Variants in MAD1L1 observed in about 807,000 individuals in gnomAD.
MAD1L1 encodes the protein mitotic spindle assembly checkpoint protein MAD1.
In MAD1L1, 95 loss-of-function variants were observed where a neutral mutation model predicts 96.9. The observed-to-expected ratio is 0.98, with a 90% CI of 0.83 to 1.16. MAD1L1 has a LOEUF of 1.16. Ranked by LOEUF, MAD1L1 falls within the 50% of genes most tolerant of loss-of-function variation. MAD1L1 has a pLI of 0.00. For synonymous variants in MAD1L1, 473 were observed against 396.6 expected, an observed-to-expected ratio of 1.19 and a Z score of -2.29; for missense variants, 1,007 against 954.4, an observed-to-expected ratio of 1.06 and a Z score of -0.73.
At chr7:2,199,467 C>T (rs1792166870) in intron 10 of MAD1L1, among the ~76,000 whole-genome samples, 1 of 152,254 alleles carries the variant, frequency 6.6e-6, no homozygotes, top group Non-Finnish European at 1.5e-5. Flanking sequence ...ATGCCCTGCA[C>T]GCGGCAAACC....
chr7:2,139,395 T>G (rs1196494242), intron 11 of MAD1L1, among the ~76,000 whole-genome samples: 1 of 149,640 alleles, frequency 6.7e-6, no homozygotes, highest in East Asian at 2.0e-4. Flanking sequence ...GGACGCACAC[T>G]GAGATGCCCC....
At chr7:2,060,262 G>A (rs1784590775) in intron 12 of MAD1L1, among the ~76,000 whole-genome samples, 1 of 145,332 alleles carries the variant, frequency 6.9e-6, no homozygotes, top group Non-Finnish European at 1.6e-5. Context: ...CCGATGCCGA[G>A]ATACGCCGAT....
intron 15 of MAD1L1, among the ~76,000 whole-genome samples, chr7:1,969,826 T>C (rs1246479184): frequency 6.6e-6 from 1 of 152,188 alleles, no homozygotes; most frequent in Non-Finnish European, 1.5e-5. Flanking sequence ...GCATAAGATT[T>C]GTACCCTAAA....
At chr7:2,056,124 C>G (rs1272482084) in intron 12 of MAD1L1, among the ~76,000 whole-genome samples, 2 of 152,216 alleles carry the variant, frequency 1.3e-5, no homozygotes, top group Admixed American at 1.3e-4. Flanking sequence ...CCTCAGCGGG[C>G]GCCACAGGGA....
At chr7:2,092,533 CTG>C (rs1786271082) in intron 11 of MAD1L1, among the ~76,000 whole-genome samples, 1 of 152,164 alleles carries the variant, frequency 6.6e-6, no homozygotes, top group Non-Finnish European at 1.5e-5. Flanking sequence ...ATATCGGTGA[CTG>C]TGTTTTCAAC....
intron 11 of MAD1L1, chr7:2,080,087 C>G (rs748699196): frequency 7.0e-5 from 14 of 200,668 alleles, no homozygotes; most frequent in Admixed American, 2.7e-4. Context: ...ACATGGCCAA[C>G]AGGCAGGCAG....
Position 1,867,351 on chromosome 7 carries a change from G to A in MAD1L1, c.1998+30849C>T, listed in dbSNP as rs78147760. ...CTGGCTGCCTCCGCAGGACCCCCCCGGAAGATGTAGAGGAGAGAAGCGGGT... is the reference window on the plus strand; with the variant it reads ...CTGGCTGCCTCCGCAGGACCCCCCCAGAAGATGTAGAGGAGAGAAGCGGGT... On this transcript the variant is annotated intron_variant, in intron 18 of 18. Coordinates refer to ENST00000265854, the MANE Select transcript of MAD1L1 (RefSeq NM_001013836.2). Among the ~76,000 whole-genome samples, 10 of 147,092 alleles carry A rather than the reference G, an allele frequency of 6.8e-5. 1 individual carries two copies. In the South Asian group the frequency reaches 1.9e-3, roughly 29 times the overall value.
chr7:1,922,545 C>A (rs902018219), intron 17 of MAD1L1, among the ~76,000 whole-genome samples: 1 of 152,226 alleles, frequency 6.6e-6, no homozygotes, highest in African/African-American at 2.4e-5. Context: ...TCGCTCGACT[C>A]GTTTTTATCT....
chr7:2,050,449 A>C (rs1412048871), intron 12 of MAD1L1, among the ~76,000 whole-genome samples: 1 of 152,132 alleles, frequency 6.6e-6, no homozygotes, highest in South Asian at 2.1e-4. Flanking sequence ...GGCCGCCTCC[A>C]CTCTGGCTGG....
intron 11 of MAD1L1, among the ~76,000 whole-genome samples, chr7:2,129,498 C>T (rs575141846): frequency 3.3e-5 from 5 of 152,308 alleles, no homozygotes; most frequent in South Asian, 4.1e-4. Flanking sequence ...CTGCCAGTGA[C>T]GAGGACGCGA....
At chr7:2,179,595 C>T (rs1410142528) in intron 10 of MAD1L1, among the ~76,000 whole-genome samples, 1 of 151,728 alleles carries the variant, frequency 6.6e-6, no homozygotes, top group Admixed American at 6.6e-5. Flanking sequence ...ATGGGGCTGG[C>T]ATCTCTCAAA....
chr7:2,201,396 G>A (rs1562365961), intron 10 of MAD1L1, among the ~76,000 whole-genome samples: 1 of 152,064 alleles, frequency 6.6e-6, no homozygotes, highest in Non-Finnish European at 1.5e-5. Flanking sequence ...TAAAAGTAGG[G>A]ACGTGGACAC....
chr7:2,081,732 G>C (rs551840644), intron 11 of MAD1L1, among the ~76,000 whole-genome samples: 3 of 152,258 alleles, frequency 2.0e-5, no homozygotes, highest in African/African-American at 7.2e-5. Flanking sequence ...CCCGGCGGAG[G>C]GGGCAGGAGC....
At chr7:1,858,779 G>T (rs1298695911) in intron 18 of MAD1L1, among the ~76,000 whole-genome samples, 1 of 152,232 alleles carries the variant, frequency 6.6e-6, no homozygotes, top group Non-Finnish European at 1.5e-5. Context: ...CCAGGGCAAG[G>T]GGCCCCCAGC....
intron 11 of MAD1L1, among the ~76,000 whole-genome samples, chr7:2,106,005 C>CCCTGCCCCACACATGGCCCCGCG (rs775868039): frequency 0.19 from 21,961 of 115,292 alleles, 2,383 homozygotes; most frequent in Middle Eastern, 0.29. Flanking sequence ...ATGGCCCCGC[C>CCCTGCCCCACACATGGCCCCGCG]CCTGCCCCAC....
chr7:2,204,368 C>G (rs1487957196), intron 10 of MAD1L1, among the ~76,000 whole-genome samples: 2 of 152,182 alleles, frequency 1.3e-5, no homozygotes, highest in Non-Finnish European at 2.9e-5. Flanking sequence ...AACAGTTTGA[C>G]AAGAGCAGTG....
intron 10 of MAD1L1, among the ~76,000 whole-genome samples, chr7:2,172,690 G>A (rs1236533017): frequency 4.6e-5 from 7 of 152,214 alleles, no homozygotes; most frequent in East Asian, 1.9e-4. Flanking sequence ...ATGGGCCCTC[G>A]CACGGGTCTC....
intron 13 of MAD1L1, among the ~76,000 whole-genome samples, chr7:2,006,245 AG>A (rs1446710908): frequency 6.6e-6 from 1 of 152,136 alleles, no homozygotes. Context: ...CAGCTCCAAC[AG>A]GGTAAGTGGT....
At chr7:1,987,090 G>T (rs1025353853) in intron 14 of MAD1L1, among the ~76,000 whole-genome samples, 3 of 152,122 alleles carry the variant, frequency 2.0e-5, no homozygotes, top group African/African-American at 7.2e-5. Flanking sequence ...CCACCATTTA[G>T]ATCCAGTGGA....
Sources: gnomAD v4.1 joint callset for allele counts (sites outside exome capture counted in the v4.1 genomes callset) on GRCh38, gnomAD v4.1.1 for gene constraint, MANE v1.5 for transcripts, NCBI Gene and HGNC (gene_info 2026-07-23, HGNC 2026-07-21) for gene names.